The following UBE2W variants were observed in gnomAD, a reference collection of about 807,000 sequenced individuals.
The protein encoded by UBE2W is ubiquitin conjugating enzyme E2 W.
In UBE2W, 18 loss-of-function variants were observed where a neutral mutation model predicts 27.2. The observed-to-expected ratio is 0.66, with a 90% CI of 0.46 to 0.98. The LOEUF is 0.98. UBE2W is among the 50% of genes least tolerant of loss of function. UBE2W has a pLI of 0.00. For synonymous variants in UBE2W, 53 were observed against 57.2 expected (o/e 0.93, Z 0.33); for missense variants, 90 against 180.2 (o/e 0.50, Z 2.87).
At chr8:73,826,774 A>C in intron 2 of UBE2W, among the ~76,000 whole-genome samples, 1 of 152,204 alleles carries the variant, frequency 6.6e-6, no homozygotes, top group Non-Finnish European at 1.5e-5. Flanking sequence ...TCCAGTTTTA[A>C]CTACCTCAAT....
At chr8:73,827,026 G>C (rs1340655135) in intron 2 of UBE2W, among the ~76,000 whole-genome samples, 1 of 152,132 alleles carries the variant, frequency 6.6e-6, no homozygotes, top group Non-Finnish European at 1.5e-5. Flanking sequence ...AAAAACGGTG[G>C]TCTTTCATTC....
intron 1 of UBE2W, among the ~76,000 whole-genome samples, chr8:73,875,001 T>A (rs1425856871): frequency 6.6e-6 from 1 of 152,204 alleles, no homozygotes; most frequent in Non-Finnish European, 1.5e-5. Flanking sequence ...ACAGCGCCAC[T>A]GCACTCCAGC....
At position 73,786,979 on chromosome 8, in the gene UBE2W, T is replaced by C; in HGVS notation, c.*7123A>G. ...CCATCTATATTAGGATCTTGTCTAA[T>C]GACATATATTCACCCACATTAAGTC... On this transcript the variant is annotated 3_prime_UTR_variant, in exon 6 of 6. Transcript: ENST00000602593. 8.1e-6 allele frequency: 8 copies of C among 985,434 alleles called. No homozygotes were observed. The highest frequency in any genetic ancestry group is 1.7e-5 in the African/African-American group (1 of 57,374). 61.0% of individuals were successfully genotyped at this position (985,434 alleles called of 1,614,324 possible).
chr8:73,835,038 T>G (rs1162896979), intron 1 of UBE2W, among the ~76,000 whole-genome samples: 1 of 152,128 alleles, frequency 6.6e-6, no homozygotes, highest in Non-Finnish European at 1.5e-5. Flanking sequence ...GCTGCAGAAA[T>G]CTTCCAGATC....
At chr8:73,876,696 C>A (rs942350529) in intron 1 of UBE2W, among the ~76,000 whole-genome samples, 1 of 152,178 alleles carries the variant, frequency 6.6e-6, no homozygotes, top group South Asian at 2.1e-4. Context: ...AGGCCAGGCA[C>A]GGTGGCTCAC....
rs1808042612 is a variant in UBE2W, at chr8:73,788,186, G to A, written c.*5916C>T. 1 of 960,650 alleles carries A rather than the reference G, an allele frequency of 1.0e-6. No individual in the cohort carries two copies. Among genetic ancestry groups the A allele is most frequent in the African/African-American group, 1.8e-5 (1 of 56,552 alleles). The allele number at this position is 960,650 out of a possible 1,614,324, so 59.5% of individuals were successfully genotyped here. ...GAAATTCCATAAAGCAAAGTAATCT[G>A]CATTCAACTAACAAGTCTGATACAT... On this transcript the variant is annotated 3_prime_UTR_variant, in exon 6 of 6. Coordinates refer to ENST00000602593, the MANE Select transcript of UBE2W (RefSeq NM_018299.6).
rs575858361 is a variant in UBE2W, at chr8:73,786,803, G to C, written c.*7299C>G. 17 of 985,372 alleles carry C rather than the reference G, an allele frequency of 1.7e-5. No homozygotes were observed. In the Admixed American group the frequency reaches 3.7e-4, roughly 21 times the overall value. 61.0% of individuals were successfully genotyped at this position (985,372 alleles called of 1,614,324 possible). ...TTTAAAGTTACACTCAACAGGACTT[G>C]AAAAATGCAAGGAGAGGACTACTGA... On this transcript the variant is annotated 3_prime_UTR_variant, in exon 6 of 6. Coordinates refer to ENST00000602593, the MANE Select transcript of UBE2W (RefSeq NM_018299.6).
At position 73,789,196 on chromosome 8, in the gene UBE2W, C is replaced by T. The variant is rs897640833; in HGVS notation, c.*4906G>A. ...GTCTTAAATCGGCAAACAGACGAGGCATGGTGGCTTGCACCTGTAATCCCA... is the reference window on the plus strand; with the variant it reads ...GTCTTAAATCGGCAAACAGACGAGGTATGGTGGCTTGCACCTGTAATCCCA... On this transcript the variant is annotated 3_prime_UTR_variant, in exon 6 of 6. Transcript: ENST00000602593. 8 of 983,774 alleles carry T rather than the reference C, an allele frequency of 8.1e-6. No individual in the cohort carries two copies. The highest frequency in any genetic ancestry group is 1.3e-4 in the Admixed American group (2 of 15,982). The allele number at this position is 983,774 out of a possible 1,614,324, so 60.9% of individuals were successfully genotyped here.
rs1352879759 is a variant in UBE2W at position 73,793,116 on chromosome 8, A to G, written c.*986T>C. On this transcript the variant is annotated 3_prime_UTR_variant, in exon 6 of 6. Coordinates refer to ENST00000602593, the MANE Select transcript of UBE2W (RefSeq NM_018299.6). Reference sequence around the variant, plus strand: ...TTCAAACTTGACTTATAACAAAAGAAACAAGATTGCAAACAAAAATGTTTA... The same window carrying G: ...TTCAAACTTGACTTATAACAAAAGAGACAAGATTGCAAACAAAAATGTTTA... 7.1e-6 allele frequency: 7 copies of G among 985,776 alleles called. No individual in the cohort carries two copies. In the South Asian group the frequency reaches 1.9e-4, roughly 26 times the overall value. 61.1% of individuals were successfully genotyped at this position (985,776 alleles called of 1,614,324 possible).
intron 1 of UBE2W, among the ~76,000 whole-genome samples, chr8:73,861,594 C>T (rs1048183697): frequency 2.0e-4 from 30 of 152,138 alleles, no homozygotes; most frequent in Admixed American, 1.8e-3. Context: ...AGGCATGAGC[C>T]ATCGTGACCA....
At chr8:73,839,816 C>G (rs1810468071) in intron 1 of UBE2W, among the ~76,000 whole-genome samples, 1 of 147,628 alleles carries the variant, frequency 6.8e-6, no homozygotes. Flanking sequence ...CACTCAGCCT[C>G]TACTTCCCGG....
chr8:73,808,836 G>C (rs187708774), intron 4 of UBE2W, among the ~76,000 whole-genome samples: 1 of 152,284 alleles, frequency 6.6e-6, no homozygotes, highest in Non-Finnish European at 1.5e-5. Flanking sequence ...CAGACAACTA[G>C]AATGTAAGGG....
In UBE2W at chr8:73,878,812, A is replaced by G; in HGVS notation, c.11T>C (p.Met4Thr). The G allele has an allele frequency of 6.4e-7, 1 of 1,551,048 alleles. No individual in the cohort carries two copies. The highest frequency in any genetic ancestry group is 8.7e-7 in the Non-Finnish European group (1 of 1,146,634). The change falls in exon 1 of 6, where the codon ATG becomes ACG. Residue 4 changes from methionine to threonine, a missense_variant. Coordinates refer to ENST00000602593, the MANE Select transcript of UBE2W (RefSeq NM_018299.6). ...GATGCAGCAAACTCCTCTCACCTGC[A>G]TTGACGCCATGATGGAACCATCCCC... MASMQKRLQKELLA... is the reference protein window; with the variant it reads MASTQKRLQKELLA...
At chr8:73,796,811 T>C (rs75413822) in intron 5 of UBE2W, 8,853 of 202,532 alleles carry the variant, frequency 0.044, 830 homozygotes, top group African/African-American at 0.19. Context: ...ACTTATCCGT[T>C]ACTAGAAAGA....
At position 73,788,397 on chromosome 8, in the gene UBE2W, G is replaced by A. The variant is rs1185621246; in HGVS notation, c.*5705C>T. ...CACTCTGTAGTTCTGAATAATAAAA[G>A]GAAAATGGCACCAACTAAAACAAAC... On this transcript the variant is annotated 3_prime_UTR_variant, in exon 6 of 6. Transcript: ENST00000602593. The A allele has an allele frequency of 1.0e-6, 1 of 985,356 alleles. No homozygotes were observed. The highest frequency in any genetic ancestry group is 1.7e-5 in the African/African-American group (1 of 57,346). The allele number at this position is 985,356 out of a possible 1,614,324, so 61.0% of individuals were successfully genotyped here. A position where few individuals can be genotyped will look rare whatever the true frequency, so the allele number is the denominator to read the frequency against.
At chr8:73,850,434 C>T (rs1586521900) in intron 1 of UBE2W, among the ~76,000 whole-genome samples, 2 of 152,106 alleles carry the variant, frequency 1.3e-5, no homozygotes, top group South Asian at 2.1e-4. Flanking sequence ...ACATTTAAAC[C>T]AGCACTGTTC....
intron 1 of UBE2W, among the ~76,000 whole-genome samples, chr8:73,849,824 G>A (rs1430973116): frequency 2.0e-5 from 3 of 151,820 alleles, no homozygotes; most frequent in African/African-American, 4.8e-5. Flanking sequence ...AGAGTCAAAG[G>A]ATAGAAAAAA....
chr8:73,857,528 A>T (rs1811356885), intron 1 of UBE2W, among the ~76,000 whole-genome samples: 1 of 152,220 alleles, frequency 6.6e-6, no homozygotes, highest in Admixed American at 6.5e-5. Context: ...TCTTAAAAAC[A>T]ACTTTTGGGC....
At chr8:73,830,146 A>T (rs987727141) in intron 2 of UBE2W, among the ~76,000 whole-genome samples, 10 of 142,900 alleles carry the variant, frequency 7.0e-5, no homozygotes, top group African/African-American at 1.2e-4. Context: ...AAAATTTTTT[A>T]AAAATGTACC....
Sources: gnomAD v4.1 joint callset for allele counts (sites outside exome capture counted in the v4.1 genomes callset) on GRCh38, gnomAD v4.1.1 for gene constraint, MANE v1.5 for transcripts, NCBI Gene and HGNC (gene_info 2026-07-23, HGNC 2026-07-21) for gene names.